Variants in LRMDA observed in about 807,000 individuals in gnomAD.
LRMDA encodes the protein leucine-rich melanocyte differentiation-associated protein.
LRMDA carries 18 observed loss-of-function variants against 29.8 expected under a neutral mutation model. The observed-to-expected ratio is 0.60, with a 90% CI of 0.42 to 0.90. The LOEUF is 0.90. Ranked by LOEUF, LRMDA falls within the 40% of genes least tolerant of loss-of-function variation. The probability of loss-of-function intolerance (pLI) is 0.00; values close to 1 mark genes in which losing one functional copy is unlikely to be tolerated. For missense variants in LRMDA, 273 were observed against 273.9 expected (o/e 1.00, Z 0.02); for synonymous variants, 125 against 109.4 (o/e 1.14, Z -0.89).
At chr10:75,551,633 G>A (rs117074006) in intron 2 of LRMDA, among the ~76,000 whole-genome samples, 3,617 of 152,098 alleles carry the variant, frequency 0.024, 69 homozygotes, top group Non-Finnish European at 0.034. Context: ...GGTTTCCAGC[G>A]TCATGCATGT....
chr10:76,444,588 A>G (rs1008164643), intron 6 of LRMDA, among the ~76,000 whole-genome samples: 1 of 152,204 alleles, frequency 6.6e-6, no homozygotes, highest in Non-Finnish European at 1.5e-5. Context: ...CCAAGTCCCA[A>G]AGAATCTGTT....
chr10:75,770,803 A>G (rs1415880958), intron 2 of LRMDA, among the ~76,000 whole-genome samples: 9 of 152,334 alleles, frequency 5.9e-5, no homozygotes, highest in African/African-American at 2.2e-4. Context: ...ACGCTATTTC[A>G]TCAAGGAATA....
intron 2 of LRMDA, among the ~76,000 whole-genome samples, chr10:75,764,888 C>A (rs1001663836): frequency 2.0e-5 from 3 of 150,998 alleles, no homozygotes; most frequent in Non-Finnish European, 2.9e-5. Flanking sequence ...TTCAAGGGTC[C>A]GGCTGTGGAG....
intron 2 of LRMDA, among the ~76,000 whole-genome samples, chr10:75,467,752 A>G (rs1288110319): frequency 6.6e-6 from 1 of 151,988 alleles, no homozygotes; most frequent in East Asian, 1.9e-4. Flanking sequence ...CATGAGGTCA[A>G]GCGATTGAGA....
At chr10:75,967,769 G>A (rs918136361) in intron 2 of LRMDA, among the ~76,000 whole-genome samples, 25 of 152,018 alleles carry the variant, frequency 1.6e-4, no homozygotes, top group Non-Finnish European at 1.8e-4. Context: ...GGGAGGCGGC[G>A]GGCAGGGGTG....
chr10:75,564,133 G>T (rs1326689063), intron 2 of LRMDA, among the ~76,000 whole-genome samples: 1 of 152,264 alleles, frequency 6.6e-6, no homozygotes, highest in Non-Finnish European at 1.5e-5. Flanking sequence ...CCTGCCCCTA[G>T]AGGTGGAGCC....
At chr10:76,314,716 G>A (rs1840670649) in intron 5 of LRMDA, among the ~76,000 whole-genome samples, 1 of 152,092 alleles carries the variant, frequency 6.6e-6, no homozygotes, top group African/African-American at 2.4e-5. Flanking sequence ...AATAATACCT[G>A]TGTTTAACAA....
chr10:76,250,797 A>G (rs969563362), intron 5 of LRMDA, among the ~76,000 whole-genome samples: 3 of 152,344 alleles, frequency 2.0e-5, no homozygotes, highest in Middle Eastern at 3.4e-3. Context: ...AGGTTGTCAA[A>G]CTAGAGCAAC....
intron 2 of LRMDA, among the ~76,000 whole-genome samples, chr10:75,534,478 A>G (rs4746305): frequency 0.058 from 8,777 of 152,190 alleles, 766 homozygotes; most frequent in African/African-American, 0.19. Context: ...GTGGGTGCAT[A>G]TATTTGGCAG....
chr10:75,693,078 C>T (rs545337767), intron 2 of LRMDA, among the ~76,000 whole-genome samples: 1 of 152,262 alleles, frequency 6.6e-6, no homozygotes, highest in South Asian at 2.1e-4. Flanking sequence ...CCCATCAGTC[C>T]TGTTGGCTGA....
intron 5 of LRMDA, among the ~76,000 whole-genome samples, chr10:76,292,357 C>G (rs1840352463): frequency 6.6e-6 from 1 of 152,166 alleles, no homozygotes; most frequent in African/African-American, 2.4e-5. Context: ...GCTCACAGAG[C>G]TGGGTGGTGA....
chr10:76,492,929 G>A (rs563237832), intron 6 of LRMDA, among the ~76,000 whole-genome samples: 1 of 152,094 alleles, frequency 6.6e-6, no homozygotes, highest in South Asian at 2.1e-4. Context: ...TACAATTCAA[G>A]GTGAGATTTG....
intron 5 of LRMDA, among the ~76,000 whole-genome samples, chr10:76,256,384 A>G (rs1239729466): frequency 1.3e-5 from 2 of 152,056 alleles, no homozygotes; most frequent in East Asian, 1.9e-4. Context: ...TTCATTAAAC[A>G]CTCTGTTGTG....
At chr10:76,256,457 A>T (rs76575137) in intron 5 of LRMDA, among the ~76,000 whole-genome samples, 275 of 152,308 alleles carry the variant, frequency 1.8e-3, no homozygotes, top group African/African-American at 5.3e-3. Context: ...TTCCAGCGTT[A>T]TTCACAGTGG....
At chr10:75,542,234 A>AG (rs1840027417) in intron 2 of LRMDA, among the ~76,000 whole-genome samples, 1 of 151,976 alleles carries the variant, frequency 6.6e-6, no homozygotes, top group South Asian at 2.1e-4. Flanking sequence ...AAACTCATTG[A>AG]GGGGGTTAGA....
At chr10:75,888,977 T>C (rs976337867) in intron 2 of LRMDA, among the ~76,000 whole-genome samples, 2 of 152,224 alleles carry the variant, frequency 1.3e-5, no homozygotes, top group African/African-American at 4.8e-5. Context: ...TACCTTTCTG[T>C]GTAAGAATTT....
In LRMDA at chr10:76,557,928, G is replaced by A. The variant is rs1402738764; in HGVS notation, c.*640G>A. The A allele has an allele frequency of 6.6e-6, 1 of 152,182 alleles. No homozygotes were observed. The highest frequency in any genetic ancestry group is 2.4e-5 in the African/African-American group (1 of 41,400). The allele number at this position is 152,182 out of a possible 1,614,324, so 9.4% of individuals were successfully genotyped here. On this transcript the variant is annotated 3_prime_UTR_variant, in exon 7 of 7. Coordinates refer to ENST00000611255, the MANE Select transcript of LRMDA (RefSeq NM_001305581.2). ...GAACAAGGTATAACTTCCCAGCCAGGTCATACATTTATGGCTGGCTTCATG... is the reference window on the plus strand; with the variant it reads ...GAACAAGGTATAACTTCCCAGCCAGATCATACATTTATGGCTGGCTTCATG...
At chr10:75,950,957 A>T (rs899912579) in intron 2 of LRMDA, among the ~76,000 whole-genome samples, 2 of 152,206 alleles carry the variant, frequency 1.3e-5, no homozygotes, top group African/African-American at 4.8e-5. Context: ...GGTAAGATCC[A>T]TGTGCCACCA....
intron 2 of LRMDA, among the ~76,000 whole-genome samples, chr10:75,511,611 G>T (rs1046207406): frequency 6.6e-5 from 10 of 152,170 alleles, no homozygotes; most frequent in Non-Finnish European, 1.5e-4. Context: ...CAAGATGACA[G>T]ATGTTACCTG....
Sources: allele counts gnomAD v4.1 joint callset (sites outside exome capture counted in the v4.1 genomes callset), GRCh38; gene constraint gnomAD v4.1.1; transcripts MANE v1.5; gene names NCBI Gene and HGNC (gene_info 2026-07-23, HGNC 2026-07-21).